The following BNC2 variants were observed in gnomAD, a reference collection of about 807,000 sequenced individuals.
BNC2 encodes zinc finger protein basonuclin-2.
Under a neutral mutation model 76.3 loss-of-function variants are expected in BNC2, and 20 were observed. That is an observed-to-expected ratio of 0.26 (90% confidence interval 0.18 to 0.38). The LOEUF is 0.38. Ranked by LOEUF, BNC2 falls within the 10% of genes least tolerant of loss-of-function variation. The pLI is 1.00. For synonymous variants in BNC2, 582 were observed against 514.8 expected, an observed-to-expected ratio of 1.13 and a Z score of -1.77; for missense variants, 1,382 against 1,399.8, an observed-to-expected ratio of 0.99 and a Z score of 0.20.
intron 1 of BNC2, among the ~76,000 whole-genome samples, chr9:16,764,756 A>C (rs1301527709): frequency 6.6e-6 from 1 of 151,688 alleles, no homozygotes; most frequent in Non-Finnish European, 1.5e-5. Flanking sequence ...TTTTAATAAG[A>C]AGCAATTATC....
chr9:16,712,036 T>C (rs56888351), intron 3 of BNC2, among the ~76,000 whole-genome samples: 7,533 of 152,248 alleles, frequency 0.049, 612 homozygotes, highest in African/African-American at 0.17. Flanking sequence ...ACAAATACCT[T>C]AGCACTTTGG....
intron 1 of BNC2, among the ~76,000 whole-genome samples, chr9:16,804,584 G>C (rs1817858774): frequency 1.3e-5 from 2 of 152,302 alleles, no homozygotes; most frequent in East Asian, 1.9e-4. Flanking sequence ...GCATGTCCTG[G>C]AGATAGGTTG....
At chr9:16,476,581 A>C (rs76459822) in intron 5 of BNC2, among the ~76,000 whole-genome samples, 3 of 151,952 alleles carry the variant, frequency 2.0e-5, no homozygotes, top group Admixed American at 1.3e-4. Context: ...AAAAAAAAAA[A>C]AACTCTGGCA....
At chr9:16,726,002 G>GCACACACACA (rs3083820) in intron 3 of BNC2, among the ~76,000 whole-genome samples, 3 of 151,140 alleles carry the variant, frequency 2.0e-5, no homozygotes, top group Admixed American at 2.0e-4. Flanking sequence ...ACACACACAC[G>GCACACACACA]CACACACACA....
intron 3 of BNC2, among the ~76,000 whole-genome samples, chr9:16,716,100 T>G (rs929277542): frequency 1.3e-5 from 2 of 152,216 alleles, no homozygotes; most frequent in Non-Finnish European, 2.9e-5. Context: ...AAGCCCAAAA[T>G]AGATGCTCAT....
chr9:16,500,002 G>A (rs1005539823), intron 5 of BNC2, among the ~76,000 whole-genome samples: 5 of 151,576 alleles, frequency 3.3e-5, no homozygotes, highest in Non-Finnish European at 4.4e-5. Context: ...CTATGAAATG[G>A]GGCCCCATTT....
chr9:16,492,564 T>G lies in BNC2; in HGVS notation c.670-55040A>C, dbSNP rs138270870. ...AACAAAAGCCTCTGAGAATTAACTT[T>G]AATATGTGTTTACCTGGCAGGTTGT... On this transcript the variant is annotated intron_variant, in intron 5 of 6. Coordinates refer to ENST00000380672, the MANE Select transcript of BNC2 (RefSeq NM_017637.6). 1.6e-3 allele frequency among the ~76,000 whole-genome samples: 250 copies of G among 152,314 alleles called. 1 individual carries two copies. The highest frequency in any genetic ancestry group is 3.5e-3 in the Admixed American group (54 of 15,294).
chr9:16,526,167 G>C (rs1817793543), intron 5 of BNC2, among the ~76,000 whole-genome samples: 1 of 151,808 alleles, frequency 6.6e-6, no homozygotes, highest in Non-Finnish European at 1.5e-5. Flanking sequence ...GATCACTGTT[G>C]TATTTAATTA....
chr9:16,523,493 CAAA>C (rs753945820), intron 5 of BNC2, among the ~76,000 whole-genome samples: 12 of 120,184 alleles, frequency 1.0e-4, no homozygotes, highest in African/African-American at 7.3e-4. Flanking sequence ...AAAAACAAAA[CAAA>C]AAAAAACAAT....
At chr9:16,636,296 A>AG (rs1459376765) in intron 3 of BNC2, among the ~76,000 whole-genome samples, 1 of 152,082 alleles carries the variant, frequency 6.6e-6, no homozygotes, top group Non-Finnish European at 1.5e-5. Context: ...GCAAGTTTTT[A>AG]GGTGAAGACT....
chr9:16,657,497 A>G (rs1821964135), intron 3 of BNC2, among the ~76,000 whole-genome samples: 1 of 152,222 alleles, frequency 6.6e-6, no homozygotes, highest in African/African-American at 2.4e-5. Context: ...TGGGAGGCTA[A>G]GGCAGAAGAG....
chr9:16,715,689 G>C (rs1461123551), intron 3 of BNC2, among the ~76,000 whole-genome samples: 1 of 152,146 alleles, frequency 6.6e-6, no homozygotes, highest in Non-Finnish European at 1.5e-5. Context: ...CAATCGGCTG[G>C]AACCAAGGAG....
At chr9:16,726,732 C>G (rs1434736038) in intron 3 of BNC2, 1 of 152,102 alleles carries the variant, frequency 6.6e-6, no homozygotes, top group Non-Finnish European at 1.5e-5. Flanking sequence ...TAATATCAAA[C>G]TAACTTGCTT....
intron 5 of BNC2, among the ~76,000 whole-genome samples, chr9:16,468,157 C>T (rs931400775): frequency 4.7e-5 from 7 of 150,400 alleles, no homozygotes; most frequent in Non-Finnish European, 8.9e-5. Context: ...TTTCCTGCCT[C>T]GACCCTCCAA....
At chr9:16,680,852 T>C (rs2134289980) in intron 3 of BNC2, among the ~76,000 whole-genome samples, 1 of 152,248 alleles carries the variant, frequency 6.6e-6, no homozygotes, top group South Asian at 2.1e-4. Flanking sequence ...AAACTCAGTG[T>C]ACTTTCTCTT....
intron 1 of BNC2, among the ~76,000 whole-genome samples, chr9:16,856,937 T>C (rs1819272715): frequency 6.6e-6 from 1 of 152,178 alleles, no homozygotes; most frequent in South Asian, 2.1e-4. Context: ...AGCAAATGTA[T>C]TGTTTCAGTT....
chr9:16,427,255 T>C (rs1038190224), intron 6 of BNC2, among the ~76,000 whole-genome samples: 2 of 152,236 alleles, frequency 1.3e-5, no homozygotes, highest in African/African-American at 4.8e-5. Context: ...CTCTGCAGTC[T>C]ATTAGTGAAG....
At chr9:16,672,214 T>G (rs183395279) in intron 3 of BNC2, among the ~76,000 whole-genome samples, 6 of 152,170 alleles carry the variant, frequency 3.9e-5, no homozygotes, top group Non-Finnish European at 7.3e-5. Context: ...ATGTTTAACA[T>G]TGGCCGGACG....
intron 3 of BNC2, among the ~76,000 whole-genome samples, chr9:16,658,896 G>A (rs1266419415): frequency 6.6e-6 from 1 of 152,128 alleles, no homozygotes; most frequent in Admixed American, 6.5e-5. Context: ...GGACACATTA[G>A]ATTTTAAGGT....
Sources: allele counts gnomAD v4.1 joint callset (sites outside exome capture counted in the v4.1 genomes callset), GRCh38; gene constraint gnomAD v4.1.1; transcripts MANE v1.5; gene names NCBI Gene and HGNC (gene_info 2026-07-23, HGNC 2026-07-21).